Variants in KATNIP observed in about 807,000 individuals in gnomAD.
KATNIP encodes katanin interacting protein.
Under a neutral mutation model 174.0 loss-of-function variants are expected in KATNIP, and 126 were observed. The observed-to-expected ratio is 0.72, with a 90% CI of 0.63 to 0.84. The LOEUF is 0.84. Among genes scored for constraint, KATNIP ranks in the 40% least tolerant of loss-of-function variants. The pLI, the probability that KATNIP is intolerant of heterozygous loss-of-function variation, is 0.00. For synonymous variants in KATNIP, 810 were observed against 835.7 expected (o/e 0.97, Z 0.53); for missense variants, 1,958 against 2,109.7 (o/e 0.93, Z 1.41).
rs9972660 is a variant in KATNIP at position 27,661,542 on chromosome 16, C to T, written c.540+12807C>T. Among the ~76,000 whole-genome samples, 797 of 151,834 alleles carry T rather than the reference C, an allele frequency of 5.2e-3. 6 individuals are homozygous for T. Among genetic ancestry groups the T allele is most frequent in the African/African-American group, 0.019 (767 of 41,392 alleles). Reference sequence around the variant, plus strand: ...AAGTAGCTGGGACTACAGGCGTACACCACCATGCCCAGCTAATTTTTGTAT... The same window carrying T: ...AAGTAGCTGGGACTACAGGCGTACATCACCATGCCCAGCTAATTTTTGTAT... On this transcript the variant is annotated intron_variant, in intron 6 of 27. Coordinates refer to ENST00000261588, the MANE Select transcript of KATNIP (RefSeq NM_015202.5).
intron 2 of KATNIP, among the ~76,000 whole-genome samples, chr16:27,598,767 A>G (rs74554895): frequency 0.012 from 1,833 of 152,268 alleles, 50 homozygotes; most frequent in African/African-American, 0.041. Context: ...AGCAGGAGAT[A>G]TACATGCAGG....
At chr16:27,664,447 T>C (rs529525580) in intron 6 of KATNIP, among the ~76,000 whole-genome samples, 1 of 152,378 alleles carries the variant, frequency 6.6e-6, no homozygotes, top group East Asian at 1.9e-4. Context: ...GGTCTCAGAC[T>C]ACCTATATTA....
At position 27,681,305 on chromosome 16, in the gene KATNIP, A is replaced by G. The variant is rs538792500; in HGVS notation, c.809-94A>G. The G allele has an allele frequency of 2.5e-5, 37 of 1,471,608 alleles. No homozygotes were observed. The African/African-American group carries it at 4.6e-4, about 18-fold the overall frequency. The allele number at this position is 1,471,608 out of a possible 1,614,324, so 91.2% of individuals were successfully genotyped here. A position where few individuals can be genotyped will look rare whatever the true frequency, so the allele number is the denominator to read the frequency against. On this transcript the variant is annotated intron_variant, in intron 7 of 27. Coordinates refer to ENST00000261588, the MANE Select transcript of KATNIP (RefSeq NM_015202.5). ...AAGTAGTTCCGTAGACATTTGTTGA[A>G]TGAGTAAGTGAATGAATGATGAACA...
At chr16:27,759,390 C>T (rs532153571) in intron 18 of KATNIP, among the ~76,000 whole-genome samples, 8 of 152,322 alleles carry the variant, frequency 5.3e-5, no homozygotes, top group East Asian at 1.9e-4. Flanking sequence ...CATTGGAACA[C>T]TGACTCATGC....
At chr16:27,667,679 C>T (rs1011073177) in intron 6 of KATNIP, among the ~76,000 whole-genome samples, 1 of 152,142 alleles carries the variant, frequency 6.6e-6, no homozygotes, top group Non-Finnish European at 1.5e-5. Context: ...TCCACTGTGG[C>T]TTCATGGTCT....
At chr16:27,691,405 G>A (rs1410197665) in intron 8 of KATNIP, among the ~76,000 whole-genome samples, 1 of 152,156 alleles carries the variant, frequency 6.6e-6, no homozygotes, top group Non-Finnish European at 1.5e-5. Flanking sequence ...TGTGCAATTT[G>A]GCTTTTGCTG....
chr16:27,725,086 C>T (rs960365032), intron 14 of KATNIP, among the ~76,000 whole-genome samples: 3 of 152,188 alleles, frequency 2.0e-5, no homozygotes, highest in Admixed American at 2.0e-4. Flanking sequence ...ACCACTACAG[C>T]AGTGCACAGA....
At chr16:27,575,764 CT>C (rs1318311344) in intron 2 of KATNIP, among the ~76,000 whole-genome samples, 30 of 152,286 alleles carry the variant, frequency 2.0e-4, no homozygotes, top group Admixed American at 1.8e-3. Flanking sequence ...TTTGCATTTT[CT>C]TTTTCTTTCA....
chr16:27,720,931 C>G (rs1597291093), intron 13 of KATNIP, among the ~76,000 whole-genome samples: 1 of 152,142 alleles, frequency 6.6e-6, no homozygotes, highest in Admixed American at 6.5e-5. Flanking sequence ...TCATGACATG[C>G]AATTTTGTCC....
chr16:27,733,695 G>T (rs750713719), intron 14 of KATNIP, among the ~76,000 whole-genome samples: 3 of 152,110 alleles, frequency 2.0e-5, no homozygotes, highest in Non-Finnish European at 2.9e-5. Context: ...GAAGACAGAA[G>T]AAGGGAGAAA....
At chr16:27,704,918 T>C (rs543368709) in intron 12 of KATNIP, among the ~76,000 whole-genome samples, 62 of 149,076 alleles carry the variant, frequency 4.2e-4, no homozygotes, top group Admixed American at 3.6e-3. Flanking sequence ...TTTTTTTTTT[T>C]TTTTTTTTCT....
chr16:27,712,598 A>G (rs1160940833), intron 13 of KATNIP, among the ~76,000 whole-genome samples: 2 of 152,154 alleles, frequency 1.3e-5, no homozygotes, highest in Non-Finnish European at 2.9e-5. Context: ...GGAGCATTCA[A>G]AAGATGTGGG....
chr16:27,590,824 A>G (rs1307967833), intron 2 of KATNIP, among the ~76,000 whole-genome samples: 1 of 152,158 alleles, frequency 6.6e-6, no homozygotes, highest in African/African-American at 2.4e-5. Flanking sequence ...GTTTTTGTTC[A>G]TGAATTCAAT....
chr16:27,556,075 TGA>T (rs1313374679), intron 1 of KATNIP, among the ~76,000 whole-genome samples: 1 of 150,580 alleles, frequency 6.6e-6, no homozygotes, highest in Non-Finnish European at 1.5e-5. Context: ...TGCAGTGAGC[TGA>T]GATTGCACCA....
chr16:27,631,300 AG>A (rs1226723127), intron 5 of KATNIP, 138 bp downstream of exon 5: 2 of 646,286 alleles, frequency 3.1e-6, no homozygotes, highest in Middle Eastern at 4.2e-4. Context: ...GCATTTTGGG[AG>A]GGTGAGGTGG....
At chr16:27,765,284 G>A (rs2082084331) in intron 19 of KATNIP, among the ~76,000 whole-genome samples, 1 of 152,248 alleles carries the variant, frequency 6.6e-6, no homozygotes, top group Non-Finnish European at 1.5e-5. Flanking sequence ...GGCAGTCCGG[G>A]GAAGCGAGAG....
Position 27,606,121 on chromosome 16 carries a change from C to A in KATNIP, c.64-12304C>A, listed in dbSNP as rs370971875. ...CTCCAGCCTGGGCAACAGTGCGAGA[C>A]TCTGTCTCAAAAAAAAAGAGAAAAA... is the stretch of plus-strand genomic sequence containing the variant. On this transcript the variant is annotated intron_variant, in intron 2 of 27. Transcript: ENST00000261588. Among the ~76,000 whole-genome samples, 33 of 152,048 alleles carry A rather than the reference C, an allele frequency of 2.2e-4. 1 individual carries two copies. The highest frequency in any genetic ancestry group is 6.6e-4 in the Admixed American group (10 of 15,258).
chr16:27,647,869 T>A (rs1301744214), intron 5 of KATNIP, among the ~76,000 whole-genome samples: 1 of 152,156 alleles, frequency 6.6e-6, no homozygotes, highest in East Asian at 1.9e-4. Flanking sequence ...TAGGCTGGGC[T>A]CCAACTCCTG....
intron 2 of KATNIP, among the ~76,000 whole-genome samples, chr16:27,581,909 G>A (rs762075668): frequency 7.2e-5 from 11 of 152,120 alleles, no homozygotes; most frequent in Non-Finnish European, 1.3e-4. Flanking sequence ...ATGTTGCTGC[G>A]AATGCCATTA....
Sources: allele counts gnomAD v4.1 joint callset (sites outside exome capture counted in the v4.1 genomes callset), GRCh38; gene constraint gnomAD v4.1.1; transcripts MANE v1.5; gene names NCBI Gene and HGNC (gene_info 2026-07-23, HGNC 2026-07-21).